The following SRGAP3 variants were observed in gnomAD, a reference collection of about 807,000 sequenced individuals.
SRGAP3 encodes SLIT-ROBO Rho GTPase activating protein 3.
SRGAP3 carries 39 observed loss-of-function variants against 121.1 expected under a neutral mutation model. The ratio of observed to expected loss-of-function variants is 0.32; its 90% CI spans 0.25 to 0.42. SRGAP3 has a LOEUF of 0.42. Ranked by LOEUF, SRGAP3 falls within the 10% of genes least tolerant of loss-of-function variation. SRGAP3 has a pLI of 1.00. For missense variants in SRGAP3, 1,213 were observed against 1,470.6 expected (o/e 0.82, Z 2.86); for synonymous variants, 601 against 570.0 (o/e 1.05, Z -0.77).
intron 5 of SRGAP3, among the ~76,000 whole-genome samples, chr3:9,060,856 C>T (rs1946131120): frequency 6.6e-6 from 1 of 152,146 alleles, no homozygotes; most frequent in South Asian, 2.1e-4. Flanking sequence ...CAGGCAGCTC[C>T]CCTTACACCT....
chr3:9,343,180 A>G (rs924404909), intron 1 of SRGAP3, among the ~76,000 whole-genome samples: 4 of 152,266 alleles, frequency 2.6e-5, no homozygotes, highest in Non-Finnish European at 5.9e-5. Context: ...GTAGCTAAAC[A>G]AGCTGGAAAG....
chr3:9,283,281 C>G (rs1363382565), intron 3 of SRGAP3, among the ~76,000 whole-genome samples: 1 of 152,142 alleles, frequency 6.6e-6, no homozygotes, highest in Non-Finnish European at 1.5e-5. Flanking sequence ...GAATCTGAAA[C>G]CATATCAGTG....
rs184614282 is a variant in SRGAP3, at chr3:9,110,410, G to C, written c.261-5568C>G. Among the ~76,000 whole-genome samples the C allele has an allele frequency of 3.9e-5, 6 of 152,304 alleles. No homozygotes were observed. In the East Asian group the frequency reaches 9.7e-4, roughly 25 times the overall value. Reference sequence around the variant, plus strand: ...GACAAACATGGAAGCCAGCAGCAAGGAGTTGGATGCTATTTAAAACCACAG... The same window carrying C: ...GACAAACATGGAAGCCAGCAGCAAGCAGTTGGATGCTATTTAAAACCACAG... On this transcript the variant is annotated intron_variant, in intron 2 of 21. Transcript: ENST00000383836.
intron 1 of SRGAP3, among the ~76,000 whole-genome samples, chr3:9,140,297 A>T (rs1304545921): frequency 6.6e-6 from 1 of 152,216 alleles, no homozygotes; most frequent in Non-Finnish European, 1.5e-5. Context: ...GTGGTGTAAG[A>T]TTCACGTTGC....
intron 1 of SRGAP3, among the ~76,000 whole-genome samples, chr3:9,197,384 G>A (rs1951948049): frequency 6.6e-6 from 1 of 152,228 alleles, no homozygotes; most frequent in African/African-American, 2.4e-5. Flanking sequence ...GATTGGCTCT[G>A]CCATGAAATG....
intron 3 of SRGAP3, among the ~76,000 whole-genome samples, chr3:9,297,253 A>C (rs978976949): frequency 1.3e-5 from 2 of 152,130 alleles, no homozygotes; most frequent in African/African-American, 4.8e-5. Context: ...TCCTAAATAC[A>C]AAGCTATGCA....
At chr3:9,289,743 C>T (rs946472815) in intron 3 of SRGAP3, among the ~76,000 whole-genome samples, 1 of 152,100 alleles carries the variant, frequency 6.6e-6, no homozygotes, top group African/African-American at 2.4e-5. Flanking sequence ...AGACCCTTAC[C>T]TTGGACAGGT....
intron 1 of SRGAP3, among the ~76,000 whole-genome samples, chr3:9,208,054 C>T (rs973873872): frequency 4.6e-5 from 7 of 152,268 alleles, no homozygotes; most frequent in Admixed American, 1.3e-4. Context: ...CCTATCCAGA[C>T]AGTGAGTCCT....
At chr3:9,015,533 C>T in intron 15 of SRGAP3, 64 bp downstream of exon 15, 1 of 1,604,334 alleles carries the variant, frequency 6.2e-7, no homozygotes, top group Non-Finnish European at 8.5e-7. Flanking sequence ...CAGCAGTAAG[C>T]CTGTAGCTCA....
chr3:9,264,705 C>T (rs1439513140), intron 3 of SRGAP3, among the ~76,000 whole-genome samples: 1 of 152,032 alleles, frequency 6.6e-6, no homozygotes, highest in African/African-American at 2.4e-5. Flanking sequence ...CAGAGCACTG[C>T]TCAAGGAAAT....
intron 2 of SRGAP3, among the ~76,000 whole-genome samples, chr3:9,123,732 A>ATGTGTGTGTGTG (rs532602901): frequency 0.052 from 7,203 of 138,986 alleles, 251 homozygotes; most frequent in South Asian, 0.095. Flanking sequence ...ATATGTATAT[A>ATGTGTGTGTGTG]TGTGTGTGTG....
chr3:9,323,800 C>CATACAT (rs202098654), intron 3 of SRGAP3, among the ~76,000 whole-genome samples: 1 of 111,560 alleles, frequency 9.0e-6, no homozygotes, highest in Admixed American at 8.4e-5. Context: ...GTGTATCTAA[C>CATACAT]ACACACACAC....
chr3:9,174,866 G>T (rs1370723835), intron 1 of SRGAP3, among the ~76,000 whole-genome samples: 1 of 152,200 alleles, frequency 6.6e-6, no homozygotes, highest in African/African-American at 2.4e-5. Flanking sequence ...GAAAGCAAGT[G>T]TAGGCTTGTT....
intron 4 of SRGAP3, among the ~76,000 whole-genome samples, chr3:9,073,774 T>C (rs1042873587): frequency 2.0e-5 from 3 of 152,216 alleles, no homozygotes; most frequent in African/African-American, 7.2e-5. Context: ...AATATACCTA[T>C]GAACGCAAAG....
intron 1 of SRGAP3, among the ~76,000 whole-genome samples, chr3:9,212,551 C>T (rs1325889710): frequency 3.9e-5 from 5 of 129,180 alleles, no homozygotes; most frequent in African/African-American, 9.4e-5. Flanking sequence ...GAAACCTCTA[C>T]TAAAAATACA....
At chr3:9,224,109 C>T (rs1219676047) in intron 1 of SRGAP3, among the ~76,000 whole-genome samples, 1 of 152,168 alleles carries the variant, frequency 6.6e-6, no homozygotes, top group Non-Finnish European at 1.5e-5. Flanking sequence ...CACATGCATA[C>T]ACCATGCCCG....
chr3:9,098,759 G>T (rs1276754975), intron 3 of SRGAP3, among the ~76,000 whole-genome samples: 1 of 152,242 alleles, frequency 6.6e-6, no homozygotes. Context: ...GCACACTGCA[G>T]GCGTTTGCTC....
intron 1 of SRGAP3, among the ~76,000 whole-genome samples, chr3:9,166,204 G>A (rs1230814642): frequency 1.3e-5 from 2 of 152,250 alleles, no homozygotes; most frequent in South Asian, 2.1e-4. Context: ...ACATCCTTCA[G>A]TTAATCCTTC....
chr3:9,214,991 T>C (rs969321693), intron 1 of SRGAP3, among the ~76,000 whole-genome samples: 7 of 152,102 alleles, frequency 4.6e-5, no homozygotes, highest in Admixed American at 3.9e-4. Flanking sequence ...CCTGGGAGGA[T>C]AAAGTGAGGT....
Sources: allele counts gnomAD v4.1 joint callset (sites outside exome capture counted in the v4.1 genomes callset), GRCh38; gene constraint gnomAD v4.1.1; transcripts MANE v1.5; gene names NCBI Gene and HGNC (gene_info 2026-07-23, HGNC 2026-07-21).